Variants in UTRN observed in about 807,000 individuals in gnomAD.
The protein encoded by UTRN is utrophin.
UTRN carries 283 observed loss-of-function variants against 463.9 expected under a neutral mutation model. The ratio of observed to expected loss-of-function variants is 0.61; its 90% confidence interval spans 0.55 to 0.67. The LOEUF (loss-of-function observed/expected upper bound fraction) is 0.67. UTRN is among the 30% of genes least tolerant of loss of function. UTRN has a pLI of 0.00. For synonymous variants in UTRN, 1,442 were observed against 1,431.5 expected (o/e 1.01, Z -0.17); for missense variants, 3,922 against 4,084.3 (o/e 0.96, Z 1.08).
intron 50 of UTRN, among the ~76,000 whole-genome samples, chr6:144,567,694 G>T (rs1312418714): frequency 6.6e-6 from 1 of 152,142 alleles, no homozygotes; most frequent in Non-Finnish European, 1.5e-5. Flanking sequence ...TTTTCTACCT[G>T]CCACTCAAAC....
intron 53 of UTRN, among the ~76,000 whole-genome samples, chr6:144,727,702 T>G: frequency 6.6e-6 from 1 of 151,366 alleles, no homozygotes; most frequent in East Asian, 2.0e-4. Context: ...GAGGTGAAGG[T>G]TACGGTGAGC....
intron 53 of UTRN, among the ~76,000 whole-genome samples, chr6:144,717,600 C>A (rs1173370298): frequency 1.3e-5 from 2 of 150,074 alleles, no homozygotes; most frequent in African/African-American, 4.9e-5. Context: ...TCACATAATT[C>A]CATTTTTTTC....
rs1402826199 is a variant in UTRN, at chr6:144,352,515, C to T, written c.80-50608C>T. Among the ~76,000 whole-genome samples, 7 of 152,162 alleles carry T rather than the reference C, an allele frequency of 4.6e-5. No homozygotes were observed. In the South Asian group the frequency reaches 6.2e-4, roughly 13 times the overall value. On this transcript the variant is annotated intron_variant, in intron 2 of 74. Transcript: ENST00000367545. ...TTCTCATTTCCCTTTTCATGTCCCA[C>T]GGGACATGTCATATCTGTCTGCCTC...
chr6:144,615,707 C>G (rs1377550287), intron 51 of UTRN, among the ~76,000 whole-genome samples: 2 of 152,134 alleles, frequency 1.3e-5, no homozygotes, highest in East Asian at 3.9e-4. Flanking sequence ...CAAAGCCATG[C>G]CATTTTATCC....
Position 144,539,550 on chromosome 6 carries a change from A to G in UTRN, c.6519+107A>G, listed in dbSNP as rs555141645. The G allele has an allele frequency of 7.7e-6, 9 of 1,161,818 alleles. 1 individual carries two copies. The South Asian group carries it at 1.6e-4, about 21-fold the overall frequency. 72.0% of individuals were successfully genotyped at this position (1,161,818 alleles called of 1,614,324 possible). A position where few individuals can be genotyped will look rare whatever the true frequency, so the allele number is the denominator to read the frequency against. ...TTTCAAGTATGTCCAAATGGGGCAA[A>G]TTTTACTAAAGCTTACTAATGTTTA... On this transcript the variant is annotated intron_variant, in intron 45 of 74. Coordinates refer to ENST00000367545, the MANE Select transcript of UTRN (RefSeq NM_007124.3).
chr6:144,491,277 G>A (rs150573827), intron 32 of UTRN, among the ~76,000 whole-genome samples, 175 bp downstream of exon 32: 35 of 152,280 alleles, frequency 2.3e-4, no homozygotes, highest in African/African-American at 8.2e-4. Context: ...TCCCTCCAAA[G>A]AAATTAGAAG....
In UTRN at chr6:144,353,331, G is replaced by A. The variant is rs578167141; in HGVS notation, c.80-49792G>A. On this transcript the variant is annotated intron_variant, in intron 2 of 74. Coordinates refer to ENST00000367545, the MANE Select transcript of UTRN (RefSeq NM_007124.3). ...GGGTTTCACCGTGTTAGCCAGGAAC[G>A]TCTTGATCTCCTGACCTTGTGGTCC... 2.0e-4 allele frequency among the ~76,000 whole-genome samples: 31 copies of A among 151,980 alleles called. 2 individuals are homozygous for A. The South Asian group carries it at 5.2e-3, about 25-fold the overall frequency.
At chr6:144,314,778 G>A (rs1398254588) in intron 2 of UTRN, among the ~76,000 whole-genome samples, 1 of 152,094 alleles carries the variant, frequency 6.6e-6, no homozygotes, top group East Asian at 1.9e-4. Flanking sequence ...AATGGGTTAT[G>A]GAAAAAGCCT....
At chr6:144,483,529 A>G (rs1390155403) in intron 27 of UTRN, among the ~76,000 whole-genome samples, 3 of 152,144 alleles carry the variant, frequency 2.0e-5, no homozygotes, top group African/African-American at 2.4e-5. Context: ...TGTAACCTCA[A>G]ACTCCTGGGC....
chr6:144,783,559 T>G (rs1431873628), intron 61 of UTRN, among the ~76,000 whole-genome samples: 1 of 152,180 alleles, frequency 6.6e-6, no homozygotes, highest in African/African-American at 2.4e-5. Context: ...CCTGAAATAT[T>G]TATTACTTCT....
intron 53 of UTRN, chr6:144,708,596 AG>A (rs1423158042): frequency 4.0e-6 from 1 of 250,446 alleles, no homozygotes; most frequent in African/African-American, 2.3e-5. Flanking sequence ...TTAAACTTAG[AG>A]TTCCTGTTCT....
intron 53 of UTRN, among the ~76,000 whole-genome samples, chr6:144,725,459 GTTA>G (rs1435036202): frequency 6.6e-6 from 1 of 152,140 alleles, no homozygotes; most frequent in Non-Finnish European, 1.5e-5. Flanking sequence ...ACCAAAAGTT[GTTA>G]TTATCTGGAA....
At chr6:144,747,392 G>T (rs901280909) in intron 54 of UTRN, among the ~76,000 whole-genome samples, 1 of 152,180 alleles carries the variant, frequency 6.6e-6, no homozygotes, top group Non-Finnish European at 1.5e-5. Flanking sequence ...TTTCTAAGCT[G>T]TCTTGAGAAT....
chr6:144,539,715 C>T (rs1220648259), intron 45 of UTRN, among the ~76,000 whole-genome samples: 1 of 151,936 alleles, frequency 6.6e-6, no homozygotes, highest in Non-Finnish European at 1.5e-5. Flanking sequence ...TAAGAAAATT[C>T]CAGTGATGAT....
chr6:144,850,955 A>G, intron 74 of UTRN, 34 bp from the exon 75 acceptor site: 1 of 1,613,478 alleles, frequency 6.2e-7, no homozygotes, highest in Non-Finnish European at 8.5e-7. Context: ...TGTTTTGTGC[A>G]AATTTCTGAC....
chr6:144,500,051 T>A (rs536200058), intron 34 of UTRN, among the ~76,000 whole-genome samples: 9 of 152,352 alleles, frequency 5.9e-5, no homozygotes, highest in African/African-American at 2.2e-4. Context: ...GTCCTTGCTC[T>A]TGTGAATAGT....
chr6:144,828,934 G>A (rs1032329566), intron 69 of UTRN, 79 bp downstream of exon 69: 5 of 1,492,914 alleles, frequency 3.3e-6, no homozygotes, highest in Non-Finnish European at 4.6e-6. Context: ...CTTCACTGAT[G>A]TGGCTCTGAA....
intron 9 of UTRN, among the ~76,000 whole-genome samples, chr6:144,433,486 G>GAC (rs1273439507): frequency 4.6e-5 from 7 of 150,990 alleles, no homozygotes; most frequent in East Asian, 2.0e-4. Flanking sequence ...GCCAGGCAGA[G>GAC]GGTCTCCTCA....
chr6:144,828,895 G>A (rs764971471), intron 69 of UTRN, 40 bp downstream of exon 69: 17 of 1,595,252 alleles, frequency 1.1e-5, no homozygotes, highest in Admixed American at 1.7e-5. Context: ...GGGAAGGCTA[G>A]TTCTTGTATT....
Sources: allele counts gnomAD v4.1 joint callset (sites outside exome capture counted in the v4.1 genomes callset), GRCh38; gene constraint gnomAD v4.1.1; transcripts MANE v1.5; gene names NCBI Gene and HGNC (gene_info 2026-07-23, HGNC 2026-07-21).